LINGO2: variants seen among roughly 807,000 people sequenced by gnomAD.
LINGO2 encodes leucine rich repeat and Ig domain containing 2, also known as leucine-rich repeat and immunoglobulin-like domain-containing nogo receptor-interacting protein 2.
LINGO2 carries 14 observed loss-of-function variants against 30.6 expected under a neutral mutation model. The observed-to-expected ratio is 0.46, with a 90% CI of 0.30 to 0.72. The LOEUF (loss-of-function observed/expected upper bound fraction) is 0.72. Among genes scored for constraint, LINGO2 ranks in the 30% least tolerant of loss-of-function variants. LINGO2 has a pLI of 0.07. For synonymous variants in LINGO2, 317 were observed against 288.5 expected, an observed-to-expected ratio of 1.10 and a Z score of -1.00; for missense variants, 729 against 751.7, an observed-to-expected ratio of 0.97 and a Z score of 0.35.
At chr9:28,420,655 C>G (rs1470749383) in intron 2 of LINGO2, among the ~76,000 whole-genome samples, 1 of 151,926 alleles carries the variant, frequency 6.6e-6, no homozygotes, top group African/African-American at 2.4e-5. Flanking sequence ...AACTATAGTA[C>G]CATTTGTTCT....
At chr9:28,899,336 G>A in the LINGO2 span, among the ~76,000 whole-genome samples, 6,222 of 152,184 alleles carry the variant, frequency 0.041, 191 homozygotes, top group Admixed American at 0.082. Context: ...AGGTTTGCCT[G>A]GCTGTCTCAG....
intron 5 of LINGO2, among the ~76,000 whole-genome samples, chr9:27,985,931 C>A (rs1291878900): frequency 1.3e-5 from 2 of 151,842 alleles, no homozygotes; most frequent in Non-Finnish European, 2.9e-5. Context: ...TGAGGATTTT[C>A]AATTTCCTCT....
chr9:28,097,842 G>C (rs1826292533), intron 4 of LINGO2, among the ~76,000 whole-genome samples: 1 of 141,110 alleles, frequency 7.1e-6, no homozygotes, highest in South Asian at 2.4e-4. Flanking sequence ...TAATAATAAT[G>C]AAATAAAAAA....
At chr9:28,204,735 G>C (rs1587219279) in intron 4 of LINGO2, among the ~76,000 whole-genome samples, 1 of 152,288 alleles carries the variant, frequency 6.6e-6, no homozygotes, top group East Asian at 1.9e-4. Flanking sequence ...TGAAAGAAAG[G>C]AGAGACCATT....
the LINGO2 span, among the ~76,000 whole-genome samples, chr9:29,061,413 C>T: frequency 6.6e-6 from 1 of 151,748 alleles, no homozygotes; most frequent in East Asian, 1.9e-4. Flanking sequence ...GGAGGTCTCC[C>T]ACTTTCTGAT....
chr9:28,042,743 C>T (rs1824251525), intron 4 of LINGO2, among the ~76,000 whole-genome samples: 1 of 152,016 alleles, frequency 6.6e-6, no homozygotes, highest in Admixed American at 6.6e-5. Flanking sequence ...CAATCAATAT[C>T]ATCTTATATT....
At chr9:28,161,819 C>T (rs901403604) in intron 4 of LINGO2, among the ~76,000 whole-genome samples, 2 of 151,758 alleles carry the variant, frequency 1.3e-5, no homozygotes, top group East Asian at 1.9e-4. Flanking sequence ...CATTTCATCT[C>T]GGTAGACGCT....
At chr9:27,998,953 G>GTT (rs1821806425) in intron 5 of LINGO2, among the ~76,000 whole-genome samples, 1 of 152,098 alleles carries the variant, frequency 6.6e-6, no homozygotes, top group Non-Finnish European at 1.5e-5. Context: ...AGTACCTAGG[G>GTT]TTCTACAGAA....
At position 28,177,769 on chromosome 9, in the gene LINGO2, A is replaced by T. The variant is rs114414170; in HGVS notation, c.-87+117439T>A. On this transcript the variant is annotated intron_variant, in intron 4 of 5. Transcript: ENST00000379992. ...TTGCTGGCCATTTCCTCTCATTCTTAACAAAAATTCCATGAAATAAATTTC... is the reference window on the plus strand; with the variant it reads ...TTGCTGGCCATTTCCTCTCATTCTTTACAAAAATTCCATGAAATAAATTTC... Among the ~76,000 whole-genome samples the T allele has an allele frequency of 8.1e-3, 1,230 of 152,274 alleles. 19 individuals carry two copies. The highest frequency in any genetic ancestry group is 0.028 in the African/African-American group (1,179 of 41,564).
intron 4 of LINGO2, among the ~76,000 whole-genome samples, chr9:28,269,918 G>A (rs1822881808): frequency 1.3e-5 from 2 of 152,086 alleles, no homozygotes; most frequent in Admixed American, 6.6e-5. Context: ...CAGAAGACAG[G>A]AAGGTCAATA....
intron 1 of LINGO2, among the ~76,000 whole-genome samples, chr9:28,586,099 T>C (rs1563843857): frequency 6.6e-6 from 1 of 152,188 alleles, no homozygotes; most frequent in South Asian, 2.1e-4. Flanking sequence ...AAGTCTGTTT[T>C]AGAAAATGGA....
chr9:28,320,628 A>G (rs1047794086), intron 3 of LINGO2, among the ~76,000 whole-genome samples: 1 of 152,202 alleles, frequency 6.6e-6, no homozygotes, highest in African/African-American at 2.4e-5. Context: ...CACAGGACGC[A>G]GAAGTGGAGA....
intron 1 of LINGO2, among the ~76,000 whole-genome samples, chr9:28,600,110 A>G (rs184060495): frequency 1.2e-3 from 187 of 152,320 alleles, no homozygotes; most frequent in Admixed American, 6.3e-3. Flanking sequence ...CTATGAAAAA[A>G]GATGATCATT....
chr9:28,717,089 C>T, the LINGO2 span, among the ~76,000 whole-genome samples: 4 of 151,564 alleles, frequency 2.6e-5, no homozygotes, highest in Non-Finnish European at 5.9e-5. Flanking sequence ...TAATATATGA[C>T]CCCCAAGTAG....
chr9:28,668,058 T>C (rs73644095), intron 1 of LINGO2, among the ~76,000 whole-genome samples: 3,851 of 149,640 alleles, frequency 0.026, 162 homozygotes, highest in African/African-American at 0.091. Context: ...TTAACTAATA[T>C]CATGGATTTT....
rs367586206 is a variant in LINGO2 at position 27,994,949 on chromosome 9, A to G, written c.-36+17406T>C. On this transcript the variant is annotated intron_variant, in intron 5 of 5. Coordinates refer to ENST00000379992, the Ensembl canonical transcript of LINGO2. ...ACTCTCTGCTCTTAATTTGCCTTCA[A>G]TGAATTCTTTTTGGCTAAATTAGTC... Among the ~76,000 whole-genome samples the G allele has an allele frequency of 1.4e-4, 21 of 152,232 alleles. No homozygotes were observed. In the East Asian group the frequency reaches 2.3e-3, roughly 17 times the overall value.
intron 3 of LINGO2, among the ~76,000 whole-genome samples, chr9:28,313,382 G>A: frequency 6.6e-6 from 1 of 152,142 alleles, no homozygotes; most frequent in East Asian, 1.9e-4. Context: ...TTGGTACTTG[G>A]TGTTAGAATA....
chr9:28,544,895 A>C lies in LINGO2; in HGVS notation c.-364-68870T>G, dbSNP rs889605796. ...ATTGGGGGAACTTAAACGGTCATCTAATCTCAATCCTTTTAATTGCCAAAT... is the reference window on the plus strand; with the variant it reads ...ATTGGGGGAACTTAAACGGTCATCTCATCTCAATCCTTTTAATTGCCAAAT... On this transcript the variant is annotated intron_variant, in intron 1 of 5. Coordinates refer to ENST00000379992, the Ensembl canonical transcript of LINGO2. 7.9e-5 allele frequency among the ~76,000 whole-genome samples: 12 copies of C among 151,406 alleles called. 1 individual carries two copies. In the South Asian group the frequency reaches 2.5e-3, roughly 32 times the overall value.
chr9:28,477,702 CTT>C (rs1825785187), intron 1 of LINGO2, among the ~76,000 whole-genome samples: 1 of 152,160 alleles, frequency 6.6e-6, no homozygotes, highest in Non-Finnish European at 1.5e-5. Flanking sequence ...ATAGCAAGAG[CTT>C]TCTACCTGTT....
Sources: gnomAD v4.1 joint callset for allele counts (sites outside exome capture counted in the v4.1 genomes callset) on GRCh38, gnomAD v4.1.1 for gene constraint, MANE v1.5 for transcripts, NCBI Gene and HGNC (gene_info 2026-07-23, HGNC 2026-07-21) for gene names.